The following MAN1A1 variants were observed in gnomAD, a reference collection of about 807,000 sequenced individuals.
MAN1A1 encodes the protein mannosyl-oligosaccharide 1,2-alpha-mannosidase IA.
A neutral mutation model predicts 70.8 loss-of-function variants in MAN1A1; 29 were observed. That is an observed-to-expected ratio of 0.41 (90% confidence interval 0.31 to 0.56). The LOEUF (loss-of-function observed/expected upper bound fraction) is 0.56. Ranked by LOEUF, MAN1A1 falls within the 20% of genes least tolerant of loss-of-function variation. MAN1A1 has a pLI of 0.29. For synonymous variants in MAN1A1, 349 were observed against 330.1 expected (o/e 1.06, Z -0.62); for missense variants, 747 against 841.3 (o/e 0.89, Z 1.39).
chr6:119,196,660 A>G (rs1773576990), intron 8 of MAN1A1, among the ~76,000 whole-genome samples: 1 of 152,222 alleles, frequency 6.6e-6, no homozygotes. Context: ...TCTAATATCT[A>G]AAAAAGAGAA....
intron 2 of MAN1A1, among the ~76,000 whole-genome samples, chr6:119,319,390 A>ATCATC (rs1562240897): frequency 9.4e-4 from 135 of 143,716 alleles, no homozygotes; most frequent in African/African-American, 3.2e-3. Context: ...TAATAATAAT[A>ATCATC]ATCATCATCA....
chr6:119,348,772 G>C lies in MAN1A1; in HGVS notation c.294C>G (p.Ala98=). ...CCTCGCGGCGCCGGGCTCGCCCCTC[G>C]GCCGCGTCCTCGGCGCGCGCCCCGG... ...PGPGARAEDA[A]EGRARRREEG... The change falls in exon 2 of 13, where the codon GCC becomes GCG. Residue 98 remains alanine, a synonymous_variant. Coordinates refer to ENST00000368468, the MANE Select transcript of MAN1A1 (RefSeq NM_005907.4). The C allele has an allele frequency of 6.8e-7, 1 of 1,461,166 alleles. No individual in the cohort carries two copies. The highest frequency in any genetic ancestry group is 9.0e-7 in the Non-Finnish European group (1 of 1,109,388). 90.5% of individuals were successfully genotyped at this position (1,461,166 alleles called of 1,614,324 possible). A position where few individuals can be genotyped will look rare whatever the true frequency, so the allele number is the denominator to read the frequency against.
intron 2 of MAN1A1, among the ~76,000 whole-genome samples, chr6:119,344,610 G>C (rs1773679541): frequency 6.6e-6 from 1 of 152,068 alleles, no homozygotes; most frequent in Non-Finnish European, 1.5e-5. Flanking sequence ...TTATTATTTT[G>C]TAAATATTAT....
chr6:119,214,105 C>T (rs1028215856), intron 6 of MAN1A1, among the ~76,000 whole-genome samples: 5 of 152,032 alleles, frequency 3.3e-5, no homozygotes, highest in African/African-American at 1.2e-4. Flanking sequence ...GCTGGGATTA[C>T]AGGCGTGCAC....
chr6:119,245,726 G>C (rs115486158), intron 6 of MAN1A1, among the ~76,000 whole-genome samples: 10,909 of 152,200 alleles, frequency 0.072, 611 homozygotes, highest in African/African-American at 0.16. Flanking sequence ...TTGCCAAGAA[G>C]AAATTATTAT....
chr6:119,216,071 A>G (rs1199631046), intron 6 of MAN1A1, among the ~76,000 whole-genome samples: 1 of 152,164 alleles, frequency 6.6e-6, no homozygotes, highest in Non-Finnish European at 1.5e-5. Flanking sequence ...GGTGTAGCTG[A>G]CAGTCAGTGA....
At chr6:119,263,313 C>T (rs1160757280) in intron 5 of MAN1A1, among the ~76,000 whole-genome samples, 1 of 151,412 alleles carries the variant, frequency 6.6e-6, no homozygotes, top group Non-Finnish European at 1.5e-5. Context: ...ATAGTTCTGT[C>T]CCTCTAAGAG....
At chr6:119,264,312 C>T (rs967195624) in intron 5 of MAN1A1, among the ~76,000 whole-genome samples, 9 of 152,046 alleles carry the variant, frequency 5.9e-5, no homozygotes, top group African/African-American at 2.2e-4. Context: ...TCAGGTAATT[C>T]GAAAGGAATG....
chr6:119,277,743 T>C (rs1562222379), intron 5 of MAN1A1, among the ~76,000 whole-genome samples: 1 of 151,844 alleles, frequency 6.6e-6, no homozygotes, highest in Non-Finnish European at 1.5e-5. Flanking sequence ...GAGACCATCC[T>C]GGTTAACACG....
intron 6 of MAN1A1, among the ~76,000 whole-genome samples, chr6:119,235,750 C>T (rs1774825438): frequency 6.6e-6 from 1 of 152,166 alleles, no homozygotes; most frequent in Non-Finnish European, 1.5e-5. Context: ...CATTGCCTAG[C>T]TTCAAAGCTT....
intron 6 of MAN1A1, among the ~76,000 whole-genome samples, chr6:119,242,832 C>T (rs1157121251): frequency 6.6e-6 from 1 of 151,978 alleles, no homozygotes; most frequent in Non-Finnish European, 1.5e-5. Flanking sequence ...TAATAATATT[C>T]TAATGTTTGA....
At chr6:119,188,333 G>C in intron 11 of MAN1A1, 72 bp downstream of exon 11, 1 of 1,379,504 alleles carries the variant, frequency 7.2e-7, no homozygotes, top group South Asian at 1.4e-5. Flanking sequence ...TGATAAGCCT[G>C]ATTTATGGGT....
At chr6:119,222,772 C>T (rs1774399500) in intron 6 of MAN1A1, among the ~76,000 whole-genome samples, 1 of 152,172 alleles carries the variant, frequency 6.6e-6, no homozygotes, top group Non-Finnish European at 1.5e-5. Flanking sequence ...TTTATATAAT[C>T]ACAGCTGAAA....
intron 6 of MAN1A1, among the ~76,000 whole-genome samples, chr6:119,230,097 C>T (rs1252987635): frequency 1.3e-5 from 2 of 152,056 alleles, no homozygotes; most frequent in Non-Finnish European, 2.9e-5. Flanking sequence ...TTCCAGGAGA[C>T]CAACCAGAGT....
chr6:119,207,456 A>T (rs1773898484), intron 6 of MAN1A1, among the ~76,000 whole-genome samples: 1 of 152,180 alleles, frequency 6.6e-6, no homozygotes, highest in Non-Finnish European at 1.5e-5. Context: ...TAAGTCAGGG[A>T]AGGGGTTCAA....
intron 5 of MAN1A1, chr6:119,269,632 A>G (rs1209820416): frequency 3.6e-5 from 6 of 167,018 alleles, no homozygotes; most frequent in Admixed American, 3.2e-4. Flanking sequence ...CTTCTGGCCC[A>G]GCAGTACCTG....
intron 3 of MAN1A1, among the ~76,000 whole-genome samples, chr6:119,302,988 T>C (rs1772434968): frequency 6.6e-6 from 1 of 152,142 alleles, no homozygotes; most frequent in African/African-American, 2.4e-5. Context: ...TATCTTGTAT[T>C]AAAATTACAC....
At chr6:119,217,786 C>T (rs1253537582) in intron 6 of MAN1A1, among the ~76,000 whole-genome samples, 1 of 152,192 alleles carries the variant, frequency 6.6e-6, no homozygotes, top group African/African-American at 2.4e-5. Context: ...CTCCAACCTG[C>T]CAATCCTAGT....
intron 4 of MAN1A1, among the ~76,000 whole-genome samples, chr6:119,294,834 A>T (rs1170913866): frequency 6.6e-6 from 1 of 152,116 alleles, no homozygotes; most frequent in African/African-American, 2.4e-5. Flanking sequence ...CTAAATTTAC[A>T]CCTAAAATCA....
Sources: allele counts gnomAD v4.1 joint callset (sites outside exome capture counted in the v4.1 genomes callset), GRCh38; gene constraint gnomAD v4.1.1; transcripts MANE v1.5; gene names NCBI Gene and HGNC (gene_info 2026-07-23, HGNC 2026-07-21).